FAM107B: variants seen among roughly 807,000 people sequenced by gnomAD.
The protein encoded by FAM107B is protein FAM107B.
In FAM107B, 21 loss-of-function variants were observed where a neutral mutation model predicts 31.5. The observed-to-expected ratio is 0.67, with a 90% CI of 0.47 to 0.96. The LOEUF is 0.96. FAM107B is among the 40% of genes least tolerant of loss of function. The pLI is 0.00. For synonymous variants in FAM107B, 157 were observed against 141.5 expected, an observed-to-expected ratio of 1.11 and a Z score of -0.78; for missense variants, 452 against 377.1, an observed-to-expected ratio of 1.20 and a Z score of -1.64.
intron 1 of FAM107B, among the ~76,000 whole-genome samples, chr10:14,691,638 A>G (rs1855136623): frequency 6.6e-6 from 1 of 152,172 alleles, no homozygotes; most frequent in African/African-American, 2.4e-5. Context: ...TCATGCCTGT[A>G]ATCCTAGCCC....
At chr10:14,535,396 C>T (rs1847502712) in intron 2 of FAM107B, among the ~76,000 whole-genome samples, 1 of 152,124 alleles carries the variant, frequency 6.6e-6, no homozygotes, top group African/African-American at 2.4e-5. Flanking sequence ...ATTATAAGCC[C>T]AACTATGCAA....
intron 2 of FAM107B, among the ~76,000 whole-genome samples, chr10:14,566,283 A>T (rs1029429104): frequency 3.9e-5 from 6 of 152,180 alleles, no homozygotes; most frequent in South Asian, 2.1e-4. Flanking sequence ...CTCTCCACCT[A>T]CTGTTCACCT....
chr10:14,653,945 A>G (rs968589948), intron 2 of FAM107B: 1 of 152,276 alleles, frequency 6.6e-6, no homozygotes, highest in Admixed American at 6.5e-5. Context: ...TGCAAGGAAG[A>G]GTTTCTTCTT....
At chr10:14,742,119 T>G (rs1222538068) in intron 1 of FAM107B, among the ~76,000 whole-genome samples, 1 of 152,078 alleles carries the variant, frequency 6.6e-6, no homozygotes, top group Admixed American at 6.5e-5. Context: ...GTTTGTTTTT[T>G]GTTTTGTTTT....
chr10:14,556,571 C>T (rs1032527759), intron 2 of FAM107B, among the ~76,000 whole-genome samples: 2 of 152,248 alleles, frequency 1.3e-5, no homozygotes, highest in African/African-American at 4.8e-5. Context: ...CTCCGTGCTA[C>T]TGCCCCTCAC....
intron 2 of FAM107B, among the ~76,000 whole-genome samples, chr10:14,562,850 C>G (rs961655335): frequency 5.3e-5 from 8 of 152,238 alleles, no homozygotes; most frequent in Non-Finnish European, 1.0e-4. Flanking sequence ...TGTTATTTCT[C>G]AACCATGAGA....
chr10:14,629,373 A>T (rs1190521906), intron 2 of FAM107B, among the ~76,000 whole-genome samples: 3 of 9,560 alleles, frequency 3.1e-4, no homozygotes, highest in African/African-American at 6.2e-4. Context: ...TTATATATTT[A>T]ATATATATAA....
At chr10:14,697,242 C>A (rs1855287726) in intron 1 of FAM107B, among the ~76,000 whole-genome samples, 3 of 152,188 alleles carry the variant, frequency 2.0e-5, no homozygotes, top group African/African-American at 4.8e-5. Flanking sequence ...CAGCTCATAG[C>A]CAACTCTTCT....
intron 3 of FAM107B, 148 bp downstream of exon 3, chr10:14,530,184 G>C: frequency 1.1e-6 from 1 of 901,540 alleles, no homozygotes; most frequent in Admixed American, 3.0e-5. Flanking sequence ...GGGTAACCCG[G>C]TTCTAGGATG....
At chr10:14,723,984 G>A (rs1855973029) in intron 1 of FAM107B, 3 of 755,990 alleles carry the variant, frequency 4.0e-6, no homozygotes, top group African/African-American at 1.7e-5. Flanking sequence ...TGTCACCTAA[G>A]TGGGTTCCTG....
intron 2 of FAM107B, among the ~76,000 whole-genome samples, chr10:14,557,491 A>G (rs1319023374): frequency 6.6e-6 from 1 of 152,206 alleles, no homozygotes; most frequent in Admixed American, 6.5e-5. Context: ...CTCCCTACTA[A>G]GTACCCAACC....
At chr10:14,527,118 T>C (rs1008570374) in intron 3 of FAM107B, among the ~76,000 whole-genome samples, 3 of 151,686 alleles carry the variant, frequency 2.0e-5, no homozygotes, top group Non-Finnish European at 4.4e-5. Flanking sequence ...ATTACAGGCG[T>C]GAGCCACCAC....
At chr10:14,758,977 G>A (rs1184083742) in intron 1 of FAM107B, among the ~76,000 whole-genome samples, 5 of 150,558 alleles carry the variant, frequency 3.3e-5, no homozygotes, top group African/African-American at 4.9e-5. Flanking sequence ...TTGGGAGTTC[G>A]AGACCAGCCT....
chr10:14,767,293 T>C (rs955574716), intron 1 of FAM107B, among the ~76,000 whole-genome samples: 5 of 151,298 alleles, frequency 3.3e-5, no homozygotes, highest in Non-Finnish European at 5.9e-5. Flanking sequence ...GGTTTCACCA[T>C]GCTGGCCAGG....
intron 2 of FAM107B, among the ~76,000 whole-genome samples, chr10:14,613,311 A>T (rs1852771812): frequency 6.6e-6 from 1 of 152,224 alleles, no homozygotes. Context: ...TTGAAATGTT[A>T]TCATAGAACA....
Position 14,579,195 on chromosome 10 carries a change from T to C in FAM107B, c.470-48680A>G, listed in dbSNP as rs1420649355. On this transcript the variant is annotated intron_variant, in intron 2 of 4. Transcript: ENST00000181796. The stretch of plus-strand genomic sequence containing the variant: ...CAATTTGACATACCAATTGTGAAAA[T>C]TAATTTTTTTAAATGTAAGCTTCTC... 2.6e-5 allele frequency among the ~76,000 whole-genome samples: 4 copies of C among 152,174 alleles called. 1 individual carries two copies. The highest frequency in any genetic ancestry group is 2.0e-4 in the Admixed American group (3 of 15,274).
chr10:14,655,828 A>G (rs945376206), intron 2 of FAM107B, among the ~76,000 whole-genome samples: 2 of 152,300 alleles, frequency 1.3e-5, no homozygotes, highest in Middle Eastern at 3.4e-3. Flanking sequence ...TACCTACCCT[A>G]GGGAAAGTGA....
At chr10:14,686,887 AG>A (rs1855003186) in intron 1 of FAM107B, among the ~76,000 whole-genome samples, 1 of 152,188 alleles carries the variant, frequency 6.6e-6, no homozygotes. Flanking sequence ...ACCAATGCCC[AG>A]GGCCCTTGCT....
chr10:14,589,173 CA>C lies in FAM107B; in HGVS notation c.470-58659del, dbSNP rs148244421. Among the ~76,000 whole-genome samples, 848 of 105,402 alleles carry C rather than the reference CA, an allele frequency of 8.0e-3. 4 individuals carry two copies. Among genetic ancestry groups the C allele is most frequent in the African/African-American group, 0.026 (702 of 26,730 alleles). 69.1% of individuals were successfully genotyped at this position (105,402 alleles called of 152,430 possible). ...CCTAGGTGACACACCGAGACTGTCTCAAAAAAAAAAAAAGAAAAGAAAAAAA... is the reference window on the plus strand; with the variant it reads ...CCTAGGTGACACACCGAGACTGTCTCAAAAAAAAAAAAGAAAAGAAAAAAA... On this transcript the variant is annotated intron_variant, in intron 2 of 4. Coordinates refer to ENST00000181796, the MANE Select transcript of FAM107B (RefSeq NM_031453.4).
Sources: gnomAD v4.1 joint callset for allele counts (sites outside exome capture counted in the v4.1 genomes callset) on GRCh38, gnomAD v4.1.1 for gene constraint, MANE v1.5 for transcripts, NCBI Gene and HGNC (gene_info 2026-07-23, HGNC 2026-07-21) for gene names.